The following MAPK8 variants were observed in gnomAD, a reference collection of about 807,000 sequenced individuals.
MAPK8 encodes the protein JUN N-terminal kinase.
MAPK8 carries 13 observed loss-of-function variants against 52.9 expected under a neutral mutation model. The observed-to-expected ratio is 0.25, with a 90% confidence interval of 0.16 to 0.39. The LOEUF is 0.39. MAPK8 is among the 10% of genes least tolerant of loss of function. MAPK8 has a pLI of 1.00. For missense variants in MAPK8, 300 were observed against 519.2 expected, an observed-to-expected ratio of 0.58 and a Z score of 4.10; for synonymous variants, 191 against 169.8, an observed-to-expected ratio of 1.12 and a Z score of -0.97.
intron 5 of MAPK8, among the ~76,000 whole-genome samples, chr10:48,415,401 T>C (rs1207929040): frequency 5.9e-5 from 9 of 152,058 alleles, no homozygotes; most frequent in Admixed American, 5.9e-4. Context: ...TGGTAGAAGA[T>C]AGAAAACAAT....
intron 1 of MAPK8, among the ~76,000 whole-genome samples, chr10:48,385,281 G>C (rs187341787): frequency 6.6e-6 from 1 of 151,858 alleles, no homozygotes; most frequent in Non-Finnish European, 1.5e-5. Context: ...AGTTTTTTTT[G>C]TTTTGTTTTT....
At chr10:48,390,561 G>T (rs2041566823) in intron 1 of MAPK8, among the ~76,000 whole-genome samples, 1 of 152,128 alleles carries the variant, frequency 6.6e-6, no homozygotes, top group African/African-American at 2.4e-5. Context: ...TGGTTGCATT[G>T]AACTTATTCT....
intron 1 of MAPK8, among the ~76,000 whole-genome samples, chr10:48,319,169 TAAAAG>T (rs1294601776): frequency 6.6e-6 from 1 of 152,220 alleles, no homozygotes; most frequent in Non-Finnish European, 1.5e-5. Flanking sequence ...GTTACGTTGT[TAAAAG>T]AAATGAAATA....
At chr10:48,342,731 G>A (rs766085103) in intron 1 of MAPK8, among the ~76,000 whole-genome samples, 9 of 152,280 alleles carry the variant, frequency 5.9e-5, no homozygotes, top group African/African-American at 1.2e-4. Context: ...TGTTTCTACC[G>A]TTTGCTGAGA....
At chr10:48,333,718 G>C (rs1213027584) in intron 1 of MAPK8, among the ~76,000 whole-genome samples, 1 of 152,282 alleles carries the variant, frequency 6.6e-6, no homozygotes, top group Non-Finnish European at 1.5e-5. Context: ...CTCCTGTTTG[G>C]GGCCTGGGCC....
chr10:48,414,286 A>C (rs778041877), intron 5 of MAPK8, among the ~76,000 whole-genome samples: 15 of 152,096 alleles, frequency 9.9e-5, no homozygotes, highest in Non-Finnish European at 2.1e-4. Context: ...TTCACTGTAT[A>C]GATATATTGT....
At chr10:48,383,520 T>C (rs1296936859) in intron 1 of MAPK8, among the ~76,000 whole-genome samples, 1 of 152,226 alleles carries the variant, frequency 6.6e-6, no homozygotes, top group Non-Finnish European at 1.5e-5. Context: ...TTTTTGTTGT[T>C]CTAAAGAATT....
intron 1 of MAPK8, among the ~76,000 whole-genome samples, chr10:48,343,116 T>G (rs1429444806): frequency 6.6e-6 from 1 of 152,228 alleles, no homozygotes; most frequent in Non-Finnish European, 1.5e-5. Context: ...AAATTACCAG[T>G]TCTACTGGCT....
intron 1 of MAPK8, among the ~76,000 whole-genome samples, chr10:48,386,613 T>C (rs888747052): frequency 1.3e-5 from 2 of 149,800 alleles, no homozygotes; most frequent in Non-Finnish European, 2.9e-5. Flanking sequence ...ACTGAAGTGT[T>C]ATGGTAATAT....
chr10:48,324,976 TATC>T (rs1363208021), intron 1 of MAPK8, among the ~76,000 whole-genome samples: 4 of 40,250 alleles, frequency 9.9e-5, no homozygotes, highest in Non-Finnish European at 1.9e-4. Context: ...TTTCTAACCC[TATC>T]ATCCTTTTTT....
At chr10:48,346,387 G>C (rs1010718244) in intron 1 of MAPK8, among the ~76,000 whole-genome samples, 4 of 152,250 alleles carry the variant, frequency 2.6e-5, no homozygotes, top group African/African-American at 9.6e-5. Flanking sequence ...CAGAAGACAA[G>C]AGTGCAAGCC....
rs1382606773 is a variant in MAPK8, at chr10:48,307,662, G to A, written c.-50+841G>A. 2.6e-5 allele frequency among the ~76,000 whole-genome samples: 4 copies of A among 152,174 alleles called. No individual in the cohort carries two copies. In the South Asian group the frequency reaches 6.2e-4, roughly 24 times the overall value. ...GTCTTTACTGCGAATTTAATAACAT[G>A]TTGACTACATGGCATTGTCCAGTGA... On this transcript the variant is annotated intron_variant, in intron 1 of 11. Coordinates refer to ENST00000374189, the MANE Select transcript of MAPK8 (RefSeq NM_001323329.2).
intron 1 of MAPK8, among the ~76,000 whole-genome samples, chr10:48,343,076 C>T (rs948909556): frequency 2.6e-5 from 4 of 152,140 alleles, no homozygotes; most frequent in African/African-American, 9.7e-5. Flanking sequence ...AAGAAGTTAC[C>T]GTGTGTTGCT....
chr10:48,411,583 T>G (rs2042749522), intron 5 of MAPK8, among the ~76,000 whole-genome samples: 1 of 152,218 alleles, frequency 6.6e-6, no homozygotes, highest in Admixed American at 6.5e-5. Flanking sequence ...TTTTACAATA[T>G]TGTTTTAGCT....
intron 1 of MAPK8, among the ~76,000 whole-genome samples, chr10:48,358,866 T>A (rs1218955714): frequency 2.0e-5 from 3 of 152,354 alleles, no homozygotes; most frequent in Non-Finnish European, 2.9e-5. Flanking sequence ...TTGAAGATAC[T>A]GTTCTTTCCC....
At chr10:48,315,135 A>C (rs148907930) in intron 1 of MAPK8, among the ~76,000 whole-genome samples, 234 of 152,192 alleles carry the variant, frequency 1.5e-3, no homozygotes, top group African/African-American at 5.3e-3. Flanking sequence ...TCCTTTTCAG[A>C]AGTTTTTTTC....
At chr10:48,377,632 C>T (rs890491095) in intron 1 of MAPK8, among the ~76,000 whole-genome samples, 4 of 152,078 alleles carry the variant, frequency 2.6e-5, no homozygotes, top group African/African-American at 9.7e-5. Context: ...ACGTTATTGC[C>T]CACCACATGG....
At chr10:48,325,485 G>C (rs1345134698) in intron 1 of MAPK8, among the ~76,000 whole-genome samples, 1 of 151,948 alleles carries the variant, frequency 6.6e-6, no homozygotes, top group African/African-American at 2.4e-5. Flanking sequence ...GTTTTTTTCA[G>C]AAGTTTTATG....
intron 7 of MAPK8, 66 bp from the exon 8 acceptor site, chr10:48,425,822 A>T: frequency 1.2e-6 from 1 of 834,990 alleles, no homozygotes; most frequent in Non-Finnish European, 1.8e-6. Context: ...ATTTTCTTGT[A>T]ATATGAATAT....
Sources: allele counts gnomAD v4.1 joint callset (sites outside exome capture counted in the v4.1 genomes callset), GRCh38; gene constraint gnomAD v4.1.1; transcripts MANE v1.5; gene names NCBI Gene and HGNC (gene_info 2026-07-23, HGNC 2026-07-21).